Variants in PLXDC2 observed in about 807,000 individuals in gnomAD.
The protein encoded by PLXDC2 is plexin domain-containing protein 2.
Under a neutral mutation model 68.9 loss-of-function variants are expected in PLXDC2, and 40 were observed. That is an observed-to-expected ratio of 0.58 (90% CI 0.45 to 0.76). The LOEUF (loss-of-function observed/expected upper bound fraction) is 0.76, where lower values mean the gene tolerates loss of function less well. Among genes scored for constraint, PLXDC2 ranks in the 30% least tolerant of loss-of-function variants. The probability of loss-of-function intolerance (pLI) is 0.00; values close to 1 mark genes in which losing one functional copy is unlikely to be tolerated. For missense variants in PLXDC2, 644 were observed against 661.9 expected (o/e 0.97, Z 0.30); for synonymous variants, 243 against 234.2 (o/e 1.04, Z -0.34).
chr10:19,989,653 T>C (rs1368413902), intron 1 of PLXDC2, among the ~76,000 whole-genome samples: 1 of 152,118 alleles, frequency 6.6e-6, no homozygotes, highest in African/African-American at 2.4e-5. Flanking sequence ...TTTTAATTGT[T>C]TTCTTATTTC....
In PLXDC2 at chr10:20,106,978, T is replaced by C. The variant is rs1833499226; in HGVS notation, c.542-36317T>C. On this transcript the variant is annotated intron_variant, in intron 4 of 13. Transcript: ENST00000377252. ...ACACTCAAAAAACTCTAAACTCCTT[T>C]ATCCTTTATATTTTATGTAGGGGAC... Among the ~76,000 whole-genome samples, 14 of 150,118 alleles carry C rather than the reference T, an allele frequency of 9.3e-5. No homozygotes were observed. In the Admixed American group the frequency reaches 9.3e-4, roughly 10 times the overall value.
chr10:20,058,455 C>T (rs189484434), intron 3 of PLXDC2, among the ~76,000 whole-genome samples: 2 of 152,142 alleles, frequency 1.3e-5, no homozygotes, highest in African/African-American at 4.8e-5. Flanking sequence ...GAAGTAATAA[C>T]AGCACTTACC....
chr10:19,951,577 G>A (rs956886169), intron 1 of PLXDC2, among the ~76,000 whole-genome samples: 3 of 152,208 alleles, frequency 2.0e-5, no homozygotes, highest in Admixed American at 6.5e-5. Context: ...TTCAGCTATT[G>A]TGGGAAGCAG....
chr10:19,914,023 TAAAG>T (rs1025160270), intron 1 of PLXDC2, among the ~76,000 whole-genome samples: 2 of 129,756 alleles, frequency 1.5e-5, no homozygotes, highest in African/African-American at 5.9e-5. Flanking sequence ...AAAATGACAA[TAAAG>T]AAGGGAAGGA....
intron 12 of PLXDC2, among the ~76,000 whole-genome samples, chr10:20,224,453 C>G (rs1445229841): frequency 6.6e-6 from 1 of 152,146 alleles, no homozygotes; most frequent in Non-Finnish European, 1.5e-5. Context: ...TTAGCAGGTA[C>G]AACTATTAAA....
At chr10:20,237,012 T>A (rs1369801682) in intron 12 of PLXDC2, among the ~76,000 whole-genome samples, 3 of 151,698 alleles carry the variant, frequency 2.0e-5, no homozygotes, top group African/African-American at 2.4e-5. Context: ...TTTTTTTTTT[T>A]AAAGGATAGT....
At chr10:20,021,692 T>C (rs1200592840) in intron 2 of PLXDC2, among the ~76,000 whole-genome samples, 4 of 151,120 alleles carry the variant, frequency 2.6e-5, no homozygotes, top group Admixed American at 6.6e-5. Context: ...TTTATTTATT[T>C]ATTTATTTAT....
intron 13 of PLXDC2, among the ~76,000 whole-genome samples, chr10:20,263,212 C>T (rs180819773): frequency 6.6e-6 from 1 of 152,238 alleles, no homozygotes; most frequent in Admixed American, 6.5e-5. Flanking sequence ...CACACATCTA[C>T]GACCATCATT....
chr10:19,950,806 T>A (rs1429985486), intron 1 of PLXDC2, among the ~76,000 whole-genome samples: 1 of 152,114 alleles, frequency 6.6e-6, no homozygotes, highest in East Asian at 1.9e-4. Context: ...AACAGACACA[T>A]AGACCTATAC....
At chr10:20,096,605 A>G (rs1833352768) in intron 4 of PLXDC2, among the ~76,000 whole-genome samples, 1 of 152,156 alleles carries the variant, frequency 6.6e-6, no homozygotes, top group Admixed American at 6.6e-5. Context: ...ATAGTCTCAA[A>G]ACAAAGAGAG....
intron 1 of PLXDC2, among the ~76,000 whole-genome samples, chr10:19,990,071 C>G (rs1019498683): frequency 4.6e-5 from 7 of 151,950 alleles, no homozygotes; most frequent in Non-Finnish European, 1.0e-4. Context: ...AGAATGAGGT[C>G]ATGCTTACTT....
intron 1 of PLXDC2, among the ~76,000 whole-genome samples, chr10:19,930,640 A>G (rs1249396710): frequency 6.6e-6 from 1 of 152,144 alleles, no homozygotes; most frequent in Non-Finnish European, 1.5e-5. Flanking sequence ...CACCTAAAAC[A>G]GAGCCTGTTT....
At chr10:19,870,623 A>C (rs2131342415) in intron 1 of PLXDC2, among the ~76,000 whole-genome samples, 1 of 151,982 alleles carries the variant, frequency 6.6e-6, no homozygotes, top group African/African-American at 2.4e-5. Flanking sequence ...ATGGGGTTTC[A>C]CCATGTTGGC....
At position 20,238,358 on chromosome 10, in the gene PLXDC2, T is replaced by C. The variant is rs1240995205; in HGVS notation, c.1313-6987T>C. 2.6e-5 allele frequency among the ~76,000 whole-genome samples: 4 copies of C among 151,412 alleles called. No individual in the cohort carries two copies. In the East Asian group the frequency reaches 7.8e-4, roughly 29 times the overall value. On this transcript the variant is annotated intron_variant, in intron 12 of 13. Transcript: ENST00000377252. ...ATACTTAATGTATTTTAAAAATATGTTCTCTTGGCCAGGTGCGGTGGCTCA... is the reference window on the plus strand; with the variant it reads ...ATACTTAATGTATTTTAAAAATATGCTCTCTTGGCCAGGTGCGGTGGCTCA...
intron 4 of PLXDC2, among the ~76,000 whole-genome samples, chr10:20,083,369 C>G (rs940148093): frequency 6.0e-5 from 9 of 150,488 alleles, no homozygotes; most frequent in South Asian, 2.1e-4. Flanking sequence ...CCCAGCTACT[C>G]GGGAAGCTGA....
chr10:20,216,613 C>T (rs1293936935), intron 10 of PLXDC2, among the ~76,000 whole-genome samples: 2 of 152,062 alleles, frequency 1.3e-5, no homozygotes, highest in African/African-American at 4.8e-5. Context: ...GGGATGAGAA[C>T]CACTCATGTC....
rs914569902 is a variant in PLXDC2, at chr10:20,176,929, A to G, written c.884-70A>G. 5.0e-5 allele frequency: 56 copies of G among 1,123,700 alleles called. No homozygotes were observed. In the Admixed American group the frequency reaches 1.0e-3, roughly 20 times the overall value. The allele number at this position is 1,123,700 out of a possible 1,614,324, so 69.6% of individuals were successfully genotyped here. A position where few individuals can be genotyped will look rare whatever the true frequency, so the allele number is the denominator to read the frequency against. On this transcript the variant is annotated intron_variant, in intron 7 of 13. Coordinates refer to ENST00000377252, the MANE Select transcript of PLXDC2 (RefSeq NM_032812.9). ...GCTATATGTATATAATTCTATATCC[A>G]TTATTAAAATGCTGTTGTTTTGTAA... is the stretch of plus-strand genomic sequence containing the variant.
chr10:19,986,402 T>C (rs1315588934), intron 1 of PLXDC2, among the ~76,000 whole-genome samples: 1 of 151,978 alleles, frequency 6.6e-6, no homozygotes, highest in Non-Finnish European at 1.5e-5. Flanking sequence ...GTTAACAAAT[T>C]TAAGGTTTAT....
chr10:20,047,680 A>G (rs527743515), intron 3 of PLXDC2, among the ~76,000 whole-genome samples: 11 of 152,252 alleles, frequency 7.2e-5, no homozygotes, highest in Admixed American at 1.3e-4. Flanking sequence ...ATGGTCATAA[A>G]TAGCCTATTC....
Sources: gnomAD v4.1 joint callset for allele counts (sites outside exome capture counted in the v4.1 genomes callset) on GRCh38, gnomAD v4.1.1 for gene constraint, MANE v1.5 for transcripts, NCBI Gene and HGNC (gene_info 2026-07-23, HGNC 2026-07-21) for gene names.